Variants in SVEP1 observed in about 807,000 individuals in gnomAD.
The protein encoded by SVEP1 is sushi, von Willebrand factor type A, EGF and pentraxin domain-containing protein 1.
SVEP1 carries 164 observed loss-of-function variants against 367.3 expected under a neutral mutation model. The observed-to-expected ratio is 0.45, with a 90% confidence interval of 0.39 to 0.51. SVEP1 has a LOEUF of 0.51. Ranked by LOEUF, SVEP1 falls within the 20% of genes least tolerant of loss-of-function variation. SVEP1 has a pLI of 0.00. For synonymous variants in SVEP1, 1,666 were observed against 1,611.6 expected (o/e 1.03, Z -0.81); for missense variants, 4,117 against 4,425.3 (o/e 0.93, Z 1.98).
intron 40 of SVEP1, among the ~76,000 whole-genome samples, chr9:110,393,558 G>C (rs912266199): frequency 6.6e-6 from 1 of 152,186 alleles, no homozygotes; most frequent in African/African-American, 2.4e-5. Context: ...GCAGAATGAG[G>C]CATCGCCTCA....
At chr9:110,367,644 G>A (rs912558880) in intron 47 of SVEP1, among the ~76,000 whole-genome samples, 6 of 147,852 alleles carry the variant, frequency 4.1e-5, no homozygotes, top group Admixed American at 3.4e-4. Flanking sequence ...CCTTTATGTT[G>A]GTACAACATA....
chr9:110,505,662 A>T (rs567880003), intron 5 of SVEP1, among the ~76,000 whole-genome samples: 1 of 151,674 alleles, frequency 6.6e-6, no homozygotes, highest in South Asian at 2.1e-4. Flanking sequence ...ATATCCAATA[A>T]CCTTTTTTAA....
chr9:110,367,514 A>G lies in SVEP1; in HGVS notation c.10695-954T>C, dbSNP rs995897294. Among the ~76,000 whole-genome samples, 3 of 152,026 alleles carry G rather than the reference A, an allele frequency of 2.0e-5. No individual in the cohort carries two copies. In the East Asian group the frequency reaches 5.8e-4, roughly 29 times the overall value. On this transcript the variant is annotated intron_variant, in intron 47 of 47. Transcript: ENST00000374469. Reference sequence around the variant, plus strand: ...TCAGTCTCGTAGGAGAGAAGGAAAAACTTATACGGTAACATTTATTGTTTA... The same window carrying G: ...TCAGTCTCGTAGGAGAGAAGGAAAAGCTTATACGGTAACATTTATTGTTTA...
At chr9:110,458,378 C>T in intron 20 of SVEP1, 93 bp downstream of exon 20, 2 of 1,066,142 alleles carry the variant, frequency 1.9e-6, no homozygotes, top group Non-Finnish European at 2.7e-6. Context: ...CTTAAAGTTT[C>T]AATCCTGGTC....
intron 36 of SVEP1, among the ~76,000 whole-genome samples, chr9:110,413,091 C>T (rs61609544): frequency 0.19 from 26,726 of 139,656 alleles, 1,638 homozygotes; most frequent in Middle Eastern, 0.26. Flanking sequence ...CACATGCACA[C>T]GTATGTTTAT....
intron 39 of SVEP1, 130 bp downstream of exon 39, chr9:110,404,197 T>C (rs2118482547): frequency 1.1e-6 from 1 of 888,918 alleles, no homozygotes; most frequent in Non-Finnish European, 1.7e-6. Flanking sequence ...CAAGAAACTT[T>C]TCAAATCCTT....
In SVEP1 at chr9:110,407,022, T is replaced by G; in HGVS notation, c.8578A>C (p.Asn2860His). The change falls in exon 38 of 48, where the codon AAT (asparagine) becomes CAT (histidine). Residue 2860 changes from asparagine to histidine, a missense_variant. By Grantham distance (68) the Asn-to-His change is moderately conservative. This residue lies in a region of SVEP1 where 1,765 missense variants were observed against 1,781.1 expected (regional missense o/e 0.99). Coordinates refer to ENST00000374469, the MANE Select transcript of SVEP1 (RefSeq NM_153366.4). Reference protein sequence around the residue: ...TFQKEIEYTCNEGFLLEGARS... With the variant: ...TFQKEIEYTCHEGFLLEGARS... ...GCTCCCTCAAGCAAGAACCCTTCAT[T>G]GCAAGTGTATTCAATCTCTTTTTGG... 6 of 1,613,928 alleles carry G rather than the reference T, an allele frequency of 3.7e-6. No homozygotes were observed. The highest frequency in any genetic ancestry group is 4.2e-6 in the Non-Finnish European group (5 of 1,179,870).
At chr9:110,517,751 T>TAAAA (rs5899902) in intron 3 of SVEP1, among the ~76,000 whole-genome samples, 9 of 50,526 alleles carry the variant, frequency 1.8e-4, no homozygotes, top group African/African-American at 2.5e-4. Flanking sequence ...ACCTGGCTCT[T>TAAAA]AAAAAAAAAA....
chr9:110,395,971 A>G (rs968002763), intron 40 of SVEP1, among the ~76,000 whole-genome samples: 3 of 151,514 alleles, frequency 2.0e-5, no homozygotes, highest in Non-Finnish European at 3.0e-5. Context: ...AAGGATACCC[A>G]GGAATTGAAC....
At chr9:110,432,070 T>C in intron 31 of SVEP1, 36 bp from the exon 32 acceptor site, 2 of 1,562,772 alleles carry the variant, frequency 1.3e-6, no homozygotes, top group Non-Finnish European at 1.7e-6. Flanking sequence ...TTAAAGTTGA[T>C]TCCTTTTCCG....
chr9:110,508,488 G>A (rs947410386), intron 5 of SVEP1, among the ~76,000 whole-genome samples: 1 of 152,114 alleles, frequency 6.6e-6, no homozygotes, highest in African/African-American at 2.4e-5. Flanking sequence ...CTGGCCGGGT[G>A]CGGTGGCTCA....
Position 110,385,967 on chromosome 9 carries a change from G to A in SVEP1, c.10168C>T (p.Leu3390=), listed in dbSNP as rs1490962507. ...VSIKCREGFL[L]QGHGIITCNP... ...CAGGTAATGATGCCGTGGCCCTGCA[G>A]CAGAAAACCTTCCCTACATTTGATG... The change falls in exon 43 of 48, where the codon CTG becomes TTG. Residue 3390 remains leucine, a synonymous_variant. Coordinates refer to ENST00000374469, the MANE Select transcript of SVEP1 (RefSeq NM_153366.4). 1.2e-6 allele frequency: 2 copies of A among 1,613,806 alleles called. No individual in the cohort carries two copies.
Position 110,454,291 on chromosome 9 carries a change from A to G in SVEP1, c.3787+1299T>C, listed in dbSNP as rs1469072690. Among the ~76,000 whole-genome samples the G allele has an allele frequency of 3.3e-5, 5 of 152,208 alleles. No individual in the cohort carries two copies. The South Asian group carries it at 1.0e-3, about 32-fold the overall frequency. On this transcript the variant is annotated intron_variant, in intron 22 of 47. Coordinates refer to ENST00000374469, the MANE Select transcript of SVEP1 (RefSeq NM_153366.4). The stretch of plus-strand genomic sequence containing the variant: ...AGCCATACATCCTTTGCCAAGGCCA[A>G]TGTCAAGAAGGGTATTCCCTAGGTT...
rs963128777 is a variant in SVEP1, at chr9:110,481,275, G to A, written c.2332C>T (p.Pro778Ser). The A allele has an allele frequency of 6.2e-6, 10 of 1,602,340 alleles. No individual in the cohort carries two copies. The African/African-American group carries it at 1.2e-4, about 19-fold the overall frequency. The change falls in exon 12 of 48, where the codon CCA becomes TCA. Residue 778 changes from proline (P) to serine (S), a missense_variant. Pro to Ser is a moderately conservative substitution (Grantham distance 74). Coordinates refer to ENST00000374469, the MANE Select transcript of SVEP1 (RefSeq NM_153366.4). ...TCTGGCCATTCAGTGGTATATGTTG[G>A]TTTCCAGACGCCATCTTCATAAGCA... ...YCAYEDGVWKPTYTTEWPDCA... is the reference protein window; with the variant it reads ...YCAYEDGVWKSTYTTEWPDCA...
intron 5 of SVEP1, among the ~76,000 whole-genome samples, chr9:110,504,094 G>A (rs577106071): frequency 1.9e-4 from 29 of 151,654 alleles, no homozygotes; most frequent in Non-Finnish European, 3.8e-4. Flanking sequence ...TCACTCTGCT[G>A]CCCAGGCTGA....
rs550173810 is a variant in SVEP1, at chr9:110,478,947, T to G, written c.2487+688A>C. On this transcript the variant is annotated intron_variant, in intron 13 of 47. Coordinates refer to ENST00000374469, the MANE Select transcript of SVEP1 (RefSeq NM_153366.4). ...TTCTTCTTTTTTTTTTTAGACGGAG[T>G]CTTTCTCTGTTGCCCAGGCTGGAGT... 2.4e-4 allele frequency among the ~76,000 whole-genome samples: 36 copies of G among 151,450 alleles called. 1 individual carries two copies. Among genetic ancestry groups the G allele is most frequent in the African/African-American group, 8.0e-4 (33 of 41,216 alleles).
At chr9:110,443,016 G>C (rs777836996) in intron 27 of SVEP1, 1 of 152,108 alleles carries the variant, frequency 6.6e-6, no homozygotes. Flanking sequence ...TACTTCTATA[G>C]ATGTATCCAG....
intron 18 of SVEP1, among the ~76,000 whole-genome samples, chr9:110,461,844 A>T (rs1298615512): frequency 6.6e-6 from 1 of 152,134 alleles, no homozygotes; most frequent in Non-Finnish European, 1.5e-5. Context: ...TCTTTATTTC[A>T]CTAAGAACAA....
At chr9:110,450,617 C>T (rs910572199) in intron 23 of SVEP1, among the ~76,000 whole-genome samples, 1 of 151,462 alleles carries the variant, frequency 6.6e-6, no homozygotes, top group Non-Finnish European at 1.5e-5. Flanking sequence ...CTACAGGCAC[C>T]CACCACCACA....
Sources: gnomAD v4.1 joint callset for allele counts (sites outside exome capture counted in the v4.1 genomes callset) on GRCh38, gnomAD v4.1.1 for gene constraint, gnomAD v4.1.1 regional missense constraint, MANE v1.5 for transcripts, NCBI Gene and HGNC (gene_info 2026-07-23, HGNC 2026-07-21) for gene names.